Variants in LEF1 observed in about 807,000 individuals in gnomAD.
LEF1 encodes lymphoid enhancer-binding factor 1.
In LEF1, 14 loss-of-function variants were observed where a neutral mutation model predicts 51.2. That is an observed-to-expected ratio of 0.27 (90% CI 0.18 to 0.43). The LOEUF (loss-of-function observed/expected upper bound fraction) is 0.43, where lower values mean the gene tolerates loss of function less well. Among genes scored for constraint, LEF1 ranks in the 20% least tolerant of loss-of-function variants. LEF1 has a pLI of 1.00. For missense variants in LEF1, 386 were observed against 512.0 expected (o/e 0.75, Z 2.37); for synonymous variants, 185 against 183.2 (o/e 1.01, Z -0.08).
At chr4:108,064,098 T>TG (rs1737889132) in intron 10 of LEF1, among the ~76,000 whole-genome samples, 4 of 152,060 alleles carry the variant, frequency 2.6e-5, no homozygotes, top group Admixed American at 2.0e-4. Context: ...ATCCCACAGT[T>TG]TACAACCAGG....
intron 8 of LEF1, among the ~76,000 whole-genome samples, chr4:108,074,311 T>C (rs1301395969): frequency 2.0e-5 from 3 of 152,226 alleles, no homozygotes; most frequent in Non-Finnish European, 2.9e-5. Flanking sequence ...GTGGGGAAAA[T>C]ATCCATTTAA....
chr4:108,102,660 T>C (rs1159150391), intron 3 of LEF1, among the ~76,000 whole-genome samples: 1 of 152,174 alleles, frequency 6.6e-6, no homozygotes, highest in Non-Finnish European at 1.5e-5. Flanking sequence ...CTATGCCTTG[T>C]ATGATTACAG....
intron 3 of LEF1, among the ~76,000 whole-genome samples, chr4:108,093,947 T>G (rs1740214188): frequency 6.6e-6 from 1 of 152,166 alleles, no homozygotes; most frequent in East Asian, 1.9e-4. Context: ...CACAACAGCT[T>G]TGAGGCAGGT....
chr4:108,107,370 C>G (rs1461708791), intron 3 of LEF1, among the ~76,000 whole-genome samples: 1 of 151,116 alleles, frequency 6.6e-6, no homozygotes, highest in Non-Finnish European at 1.5e-5. Flanking sequence ...GAAAAAAAGA[C>G]CAGAAGTATA....
intron 3 of LEF1, among the ~76,000 whole-genome samples, chr4:108,136,967 C>CTAAATAGCTA (rs1743303712): frequency 6.6e-6 from 1 of 152,062 alleles, no homozygotes; most frequent in African/African-American, 2.4e-5. Flanking sequence ...AGCTATTTAA[C>CTAAATAGCTA]CCAGACTAAG....
chr4:108,050,896 G>A (rs576199724), intron 11 of LEF1, among the ~76,000 whole-genome samples: 1 of 152,170 alleles, frequency 6.6e-6, no homozygotes, highest in East Asian at 2.0e-4. Flanking sequence ...TCTCAAGCAG[G>A]GCTAACACCT....
At chr4:108,049,461 T>A (rs1251144345) in intron 11 of LEF1, among the ~76,000 whole-genome samples, 4 of 152,178 alleles carry the variant, frequency 2.6e-5, no homozygotes, top group African/African-American at 4.8e-5. Flanking sequence ...TGAGATTTTT[T>A]AAAAAGTGAT....
chr4:108,068,277 C>T (rs1356670460), intron 9 of LEF1, among the ~76,000 whole-genome samples: 2 of 150,740 alleles, frequency 1.3e-5, no homozygotes, highest in African/African-American at 2.4e-5. Context: ...CAAAACAAAA[C>T]AAAACAAAAC....
At chr4:108,163,743 CT>C (rs779818367) in intron 2 of LEF1, 42 bp from the exon 3 acceptor site, 5 of 1,595,546 alleles carry the variant, frequency 3.1e-6, no homozygotes, top group Non-Finnish European at 8.5e-7. Flanking sequence ...ACTGACTTCC[CT>C]TTTATATTAC....
At chr4:108,092,940 A>AAAAAAAAAAAAAAAAAAC (rs1740139004) in intron 3 of LEF1, among the ~76,000 whole-genome samples, 1 of 49,504 alleles carries the variant, frequency 2.0e-5, no homozygotes, top group Non-Finnish European at 4.9e-5. Context: ...AAAAAAAAAA[A>AAAAAAAAAAAAAAAAAAC]AAAAAAAAAG....
intron 3 of LEF1, among the ~76,000 whole-genome samples, chr4:108,096,942 G>A (rs375629906): frequency 4.1e-4 from 62 of 152,160 alleles, no homozygotes; most frequent in African/African-American, 1.4e-3. Context: ...AGGTAATAAC[G>A]AATGGTGGCG....
At chr4:108,104,749 G>C in intron 3 of LEF1, 1 of 928,594 alleles carries the variant, frequency 1.1e-6, no homozygotes, top group South Asian at 5.0e-5. Context: ...CAAAAGGGCT[G>C]TTATTAGTTT....
At chr4:108,070,230 T>G (rs1200369375) in intron 9 of LEF1, among the ~76,000 whole-genome samples, 3 of 152,056 alleles carry the variant, frequency 2.0e-5, no homozygotes, top group African/African-American at 7.2e-5. Flanking sequence ...AAATGCTTTT[T>G]ATATATAAGA....
chr4:108,162,777 T>A (rs1201654608), intron 3 of LEF1, among the ~76,000 whole-genome samples: 1 of 152,106 alleles, frequency 6.6e-6, no homozygotes, highest in Non-Finnish European at 1.5e-5. Flanking sequence ...GTGGGCTAAT[T>A]CTAAGAGAGA....
At chr4:108,094,722 C>T (rs959310137) in intron 3 of LEF1, among the ~76,000 whole-genome samples, 1 of 152,330 alleles carries the variant, frequency 6.6e-6, no homozygotes. Flanking sequence ...TTTCAACTGG[C>T]TGTGCATTTA....
intron 11 of LEF1, among the ~76,000 whole-genome samples, chr4:108,050,928 T>G (rs1028838356): frequency 8.5e-5 from 13 of 152,290 alleles, no homozygotes; most frequent in African/African-American, 2.9e-4. Flanking sequence ...CACCCTGCAC[T>G]TCCGGCTCCA....
At chr4:108,126,413 G>A (rs1045038394) in intron 3 of LEF1, among the ~76,000 whole-genome samples, 4 of 152,092 alleles carry the variant, frequency 2.6e-5, no homozygotes, top group Non-Finnish European at 4.4e-5. Flanking sequence ...AGGATAAAAT[G>A]CAATTGGAAT....
intron 8 of LEF1, among the ~76,000 whole-genome samples, chr4:108,074,269 A>G (rs1309629336): frequency 1.3e-5 from 2 of 152,218 alleles, no homozygotes; most frequent in African/African-American, 4.8e-5. Context: ...CTTTTTAAAA[A>G]TCAAATCTCA....
intron 3 of LEF1, among the ~76,000 whole-genome samples, chr4:108,143,952 C>T (rs1168192811): frequency 6.6e-6 from 1 of 152,058 alleles, no homozygotes; most frequent in African/African-American, 2.4e-5. Flanking sequence ...AATCTATGTG[C>T]TGGCCTATTT....
Sources: allele counts gnomAD v4.1 joint callset (sites outside exome capture counted in the v4.1 genomes callset), GRCh38; gene constraint gnomAD v4.1.1; transcripts MANE v1.5; gene names NCBI Gene and HGNC (gene_info 2026-07-23, HGNC 2026-07-21).